CAB39L: variants seen among roughly 807,000 people sequenced by gnomAD.
The protein encoded by CAB39L is calcium-binding protein 39-like.
Under a neutral mutation model 39.1 loss-of-function variants are expected in CAB39L, and 23 were observed. The ratio of observed to expected loss-of-function variants is 0.59; its 90% CI spans 0.42 to 0.83. The LOEUF (loss-of-function observed/expected upper bound fraction) is 0.83. Among genes scored for constraint, CAB39L ranks in the 40% least tolerant of loss-of-function variants. The pLI, the probability that CAB39L is intolerant of heterozygous loss-of-function variation, is 0.00. For missense variants in CAB39L, 366 were observed against 391.9 expected, an observed-to-expected ratio of 0.93 and a Z score of 0.56; for synonymous variants, 126 against 137.2, an observed-to-expected ratio of 0.92 and a Z score of 0.57.
intron 10 of CAB39L, among the ~76,000 whole-genome samples, chr13:49,315,069 C>G (rs969872461): frequency 6.6e-6 from 1 of 152,164 alleles, no homozygotes; most frequent in East Asian, 1.9e-4. Context: ...AATCAAAGCC[C>G]ACAAATCTGA....
chr13:49,315,284 G>A (rs1159062422), intron 10 of CAB39L, among the ~76,000 whole-genome samples: 1 of 152,084 alleles, frequency 6.6e-6, no homozygotes, highest in African/African-American at 2.4e-5. Flanking sequence ...AGCCCACATG[G>A]CTTACTTACA....
intron 4 of CAB39L, among the ~76,000 whole-genome samples, chr13:49,379,843 T>TC (rs1956214997): frequency 6.6e-6 from 1 of 151,070 alleles, no homozygotes; most frequent in South Asian, 2.1e-4. Flanking sequence ...CACTAAATAA[T>TC]CTTTTTTTTT....
intron 3 of CAB39L, among the ~76,000 whole-genome samples, chr13:49,398,800 C>T (rs1355537328): frequency 6.6e-6 from 1 of 152,044 alleles, no homozygotes; most frequent in Admixed American, 6.5e-5. Context: ...CACATTTCTT[C>T]ATATGGGTCC....
At chr13:49,346,334 G>GAAA in intron 7 of CAB39L, among the ~76,000 whole-genome samples, 1 of 112,480 alleles carries the variant, frequency 8.9e-6, no homozygotes. Flanking sequence ...ATAACTGAGT[G>GAAA]AAAAAAAAAA....
chr13:49,364,335 G>A (rs1955714536), intron 5 of CAB39L, among the ~76,000 whole-genome samples: 1 of 151,832 alleles, frequency 6.6e-6, no homozygotes, highest in Non-Finnish European at 1.5e-5. Flanking sequence ...AATATTATTA[G>A]AGCTAAAGTG....
intron 3 of CAB39L, among the ~76,000 whole-genome samples, chr13:49,383,176 A>C (rs1365068934): frequency 6.6e-6 from 1 of 152,126 alleles, no homozygotes; most frequent in East Asian, 1.9e-4. Flanking sequence ...TCTTTCCTGC[A>C]ATAGAAACAT....
At chr13:49,412,250 C>T (rs1421830510) in intron 3 of CAB39L, among the ~76,000 whole-genome samples, 1 of 151,568 alleles carries the variant, frequency 6.6e-6, no homozygotes, top group Non-Finnish European at 1.5e-5. Flanking sequence ...TCACTGATAA[C>T]ATAAACAAAT....
intron 4 of CAB39L, among the ~76,000 whole-genome samples, chr13:49,382,300 T>C (rs1956266903): frequency 6.6e-6 from 1 of 152,138 alleles, no homozygotes; most frequent in Non-Finnish European, 1.5e-5. Context: ...AATAGAAGGA[T>C]ACTATGAACT....
chr13:49,351,053 G>T, intron 6 of CAB39L, 141 bp from the exon 7 acceptor site: 1 of 534,164 alleles, frequency 1.9e-6, no homozygotes, highest in Non-Finnish European at 3.0e-6. Context: ...ATCCACTGAA[G>T]ATCTACTATG....
chr13:49,309,993 A>G lies in CAB39L; in HGVS notation c.*821T>C, dbSNP rs1010892335. 3.3e-5 allele frequency: 5 copies of G among 152,296 alleles called. No individual in the cohort carries two copies. Among genetic ancestry groups the G allele is most frequent in the African/African-American group, 7.2e-5 (3 of 41,444 alleles). 9.4% of individuals were successfully genotyped at this position (152,296 alleles called of 1,614,324 possible). ...CACTTACAGCAGAAAGCATTCACCC[A>G]TGACCATTATGAAGGAAATATTCTG... On this transcript the variant is annotated 3_prime_UTR_variant, in exon 11 of 11. Coordinates refer to ENST00000409308, the MANE Select transcript of CAB39L (RefSeq NM_001079670.3).
chr13:49,317,143 C>T (rs1475159044), intron 10 of CAB39L, among the ~76,000 whole-genome samples: 2 of 152,128 alleles, frequency 1.3e-5, no homozygotes, highest in East Asian at 1.9e-4. Flanking sequence ...CACAAGTGTA[C>T]CGCATTAGCA....
intron 5 of CAB39L, among the ~76,000 whole-genome samples, chr13:49,375,172 T>C (rs919086355): frequency 3.9e-5 from 6 of 152,254 alleles, no homozygotes; most frequent in Middle Eastern, 3.4e-3. Flanking sequence ...ACAACATATA[T>C]ATGTATATAT....
At chr13:49,368,718 A>G (rs574944383) in intron 5 of CAB39L, among the ~76,000 whole-genome samples, 26 of 152,328 alleles carry the variant, frequency 1.7e-4, no homozygotes, top group South Asian at 1.0e-3. Flanking sequence ...AGTCAGCTTT[A>G]ACATGAAATG....
chr13:49,411,810 C>T (rs1956995536), intron 3 of CAB39L, among the ~76,000 whole-genome samples: 1 of 152,108 alleles, frequency 6.6e-6, no homozygotes, highest in Admixed American at 6.5e-5. Context: ...CTATGAGGAA[C>T]ATTCGAGCCC....
chr13:49,398,454 G>T (rs920252922), intron 3 of CAB39L, among the ~76,000 whole-genome samples: 1 of 151,932 alleles, frequency 6.6e-6, no homozygotes, highest in African/African-American at 2.4e-5. Context: ...CCCAGAAATG[G>T]AAAATTGTCC....
At chr13:49,415,513 T>G (rs1163280266) in intron 3 of CAB39L, among the ~76,000 whole-genome samples, 1 of 118,736 alleles carries the variant, frequency 8.4e-6, no homozygotes, top group Non-Finnish European at 1.8e-5. Flanking sequence ...AGAGCAAGAC[T>G]CTGTCTTGGA....
intron 3 of CAB39L, among the ~76,000 whole-genome samples, chr13:49,432,865 A>C (rs1321060978): frequency 2.0e-5 from 3 of 152,212 alleles, no homozygotes; most frequent in African/African-American, 7.2e-5. Flanking sequence ...ATGGTCTCTG[A>C]CCAGGCTTCT....
intron 3 of CAB39L, among the ~76,000 whole-genome samples, chr13:49,422,643 C>T (rs536765430): frequency 1.3e-5 from 2 of 149,088 alleles, no homozygotes; most frequent in South Asian, 4.2e-4. Context: ...AGGGATGAGT[C>T]TCACTATGTC....
intron 5 of CAB39L, among the ~76,000 whole-genome samples, chr13:49,372,749 C>CA (rs1247206000): frequency 6.6e-6 from 1 of 152,304 alleles, no homozygotes; most frequent in East Asian, 1.9e-4. Flanking sequence ...CGGCTCACTG[C>CA]AAGCTCCGCC....
Sources: gnomAD v4.1 joint callset for allele counts (sites outside exome capture counted in the v4.1 genomes callset) on GRCh38, gnomAD v4.1.1 for gene constraint, MANE v1.5 for transcripts, NCBI Gene and HGNC (gene_info 2026-07-23, HGNC 2026-07-21) for gene names.